CNBD1: variants seen among roughly 807,000 people sequenced by gnomAD.
The protein encoded by CNBD1 is cyclic nucleotide-binding domain-containing protein 1.
A neutral mutation model predicts 54.4 loss-of-function variants in CNBD1; 71 were observed. The ratio of observed to expected loss-of-function variants is 1.30; its 90% CI spans 1.08 to 1.59. The LOEUF (loss-of-function observed/expected upper bound fraction) is 1.59, where lower values mean the gene tolerates loss of function less well. CNBD1 is among the 40% of genes most tolerant of loss of function. The pLI is 0.00. For missense variants in CNBD1, 659 were observed against 518.0 expected (o/e 1.27, Z -2.64); for synonymous variants, 182 against 170.7 (o/e 1.07, Z -0.51).
chr8:86,902,160 C>A (rs1476670854), intron 2 of CNBD1, among the ~76,000 whole-genome samples: 4 of 152,046 alleles, frequency 2.6e-5, no homozygotes, highest in African/African-American at 9.7e-5. Context: ...TCTGTATGCT[C>A]CTCCAAACTT....
chr8:87,257,025 T>C (rs1808037877), intron 6 of CNBD1, among the ~76,000 whole-genome samples: 1 of 152,046 alleles, frequency 6.6e-6, no homozygotes, highest in African/African-American at 2.4e-5. Flanking sequence ...TGTTATAACA[T>C]CAACACTCTT....
At chr8:87,303,677 A>T (rs1809073173) in intron 8 of CNBD1, among the ~76,000 whole-genome samples, 1 of 151,138 alleles carries the variant, frequency 6.6e-6, no homozygotes, top group Non-Finnish European at 1.5e-5. Flanking sequence ...AGCAAAAGAA[A>T]CTACCATCAG....
intron 1 of CNBD1, among the ~76,000 whole-genome samples, chr8:86,871,905 C>T (rs542295145): frequency 6.6e-6 from 1 of 152,162 alleles, no homozygotes. Context: ...CATAAACCAT[C>T]GTTTTTAATA....
chr8:87,195,029 G>A (rs1036973319), intron 4 of CNBD1, among the ~76,000 whole-genome samples: 4 of 151,516 alleles, frequency 2.6e-5, no homozygotes, highest in South Asian at 4.2e-4. Flanking sequence ...GATTACAGGC[G>A]CCTTCCACCA....
chr8:87,339,697 C>A (rs998778637), intron 8 of CNBD1, among the ~76,000 whole-genome samples: 1 of 151,158 alleles, frequency 6.6e-6, no homozygotes, highest in Non-Finnish European at 1.5e-5. Context: ...TCCTTTTTTC[C>A]TTTGGTTACT....
chr8:87,036,829 A>G, intron 4 of CNBD1, among the ~76,000 whole-genome samples: 1 of 152,244 alleles, frequency 6.6e-6, no homozygotes, highest in Non-Finnish European at 1.5e-5. Context: ...AGCCACCTGG[A>G]GGCCTCTGCC....
intron 5 of CNBD1, among the ~76,000 whole-genome samples, chr8:87,224,469 A>G (rs974773547): frequency 2.6e-5 from 4 of 151,078 alleles, no homozygotes; most frequent in East Asian, 1.9e-4. Context: ...ATGGCTAGCC[A>G]GTTTTCCCAG....
chr8:87,392,516 C>A (rs1437716230), intron 2 of CNBD1, among the ~76,000 whole-genome samples: 2 of 151,852 alleles, frequency 1.3e-5, no homozygotes, highest in Admixed American at 1.3e-4. Flanking sequence ...TCTAGATGAA[C>A]CTTGAAAACT....
chr8:86,985,786 C>T (rs1808592653), intron 4 of CNBD1, among the ~76,000 whole-genome samples: 1 of 152,218 alleles, frequency 6.6e-6, no homozygotes, highest in African/African-American at 2.4e-5. Flanking sequence ...CTACATTCAA[C>T]AGTGAGTGAA....
At chr8:87,091,318 A>G (rs1485512826) in intron 4 of CNBD1, among the ~76,000 whole-genome samples, 2 of 152,122 alleles carry the variant, frequency 1.3e-5, no homozygotes, top group Non-Finnish European at 2.9e-5. Flanking sequence ...CCTTAGGACA[A>G]TTCTATAAAG....
chr8:86,873,067 G>A (rs1366795040), intron 1 of CNBD1, among the ~76,000 whole-genome samples: 2 of 151,622 alleles, frequency 1.3e-5, no homozygotes, highest in Non-Finnish European at 2.9e-5. Context: ...AACAGCACAA[G>A]GCCCTGTTTT....
chr8:87,239,027 A>G (rs1344092290), intron 6 of CNBD1, among the ~76,000 whole-genome samples: 1 of 152,120 alleles, frequency 6.6e-6, no homozygotes, highest in Non-Finnish European at 1.5e-5. Flanking sequence ...AAATTTTATC[A>G]GTGGTACTGA....
intron 4 of CNBD1, among the ~76,000 whole-genome samples, chr8:87,002,958 C>T (rs1027521811): frequency 3.3e-5 from 5 of 152,118 alleles, no homozygotes; most frequent in Admixed American, 6.5e-5. Context: ...TTAGTCATTT[C>T]TTCCCTAGAA....
chr8:87,008,096 T>G (rs990430795), intron 4 of CNBD1, among the ~76,000 whole-genome samples: 2 of 152,218 alleles, frequency 1.3e-5, no homozygotes, highest in African/African-American at 4.8e-5. Context: ...ACTGACTACT[T>G]CTATGAAATT....
At chr8:87,230,104 G>C (rs1814641070) in intron 5 of CNBD1, among the ~76,000 whole-genome samples, 1 of 152,188 alleles carries the variant, frequency 6.6e-6, no homozygotes, top group Non-Finnish European at 1.5e-5. Context: ...TTATATAGCT[G>C]AGAGCAGGAG....
chr8:87,147,069 C>T (rs569031828), intron 4 of CNBD1, among the ~76,000 whole-genome samples: 2 of 152,194 alleles, frequency 1.3e-5, no homozygotes, highest in East Asian at 3.9e-4. Context: ...GCTAGCTGTT[C>T]CTTCTTTCAA....
chr8:87,414,802 A>T (rs1263791789), intron 2 of CNBD1, among the ~76,000 whole-genome samples: 1 of 151,938 alleles, frequency 6.6e-6, no homozygotes, highest in Non-Finnish European at 1.5e-5. Context: ...TTTTTTTACA[A>T]TTTAGTATAC....
chr8:87,225,723 C>T (rs941978377), intron 5 of CNBD1, among the ~76,000 whole-genome samples: 20 of 151,776 alleles, frequency 1.3e-4, no homozygotes, highest in Non-Finnish European at 2.6e-4. Flanking sequence ...TGTCTCTGCT[C>T]GGCTTTGGTA....
intron 1 of CNBD1, among the ~76,000 whole-genome samples, chr8:86,875,515 T>A (rs2934949): frequency 0.091 from 13,794 of 151,550 alleles, 692 homozygotes; most frequent in Middle Eastern, 0.11. Context: ...GTCTATGTAC[T>A]TTTTTTAAAT....
Sources: allele counts gnomAD v4.1 joint callset (sites outside exome capture counted in the v4.1 genomes callset), GRCh38; gene constraint gnomAD v4.1.1; transcripts MANE v1.5; gene names NCBI Gene and HGNC (gene_info 2026-07-23, HGNC 2026-07-21).